The following DNAH9 variants were observed in gnomAD, a reference collection of about 807,000 sequenced individuals.
DNAH9 encodes DNAH9 variant protein.
In DNAH9, 345 loss-of-function variants were observed where a neutral mutation model predicts 471.6. The observed-to-expected ratio is 0.73, with a 90% CI of 0.67 to 0.80. DNAH9 has a LOEUF of 0.80. Among genes scored for constraint, DNAH9 ranks in the 30% least tolerant of loss-of-function variants. The pLI, the probability that DNAH9 is intolerant of heterozygous loss-of-function variation, is 0.00. For missense variants in DNAH9, 5,407 were observed against 5,609.2 expected (o/e 0.96, Z 1.15); for synonymous variants, 2,093 against 2,123.6 (o/e 0.99, Z 0.40).
intron 45 of DNAH9, among the ~76,000 whole-genome samples, chr17:11,814,919 G>A (rs973651749): frequency 6.6e-5 from 10 of 151,850 alleles, no homozygotes; most frequent in Non-Finnish European, 1.3e-4. Flanking sequence ...AGCCATCTAT[G>A]CTGTTAAATA....
chr17:11,874,263 CTGAG>C (rs1972389145), intron 52 of DNAH9, among the ~76,000 whole-genome samples: 1 of 97,558 alleles, frequency 1.0e-5, no homozygotes, highest in African/African-American at 3.8e-5. Flanking sequence ...AAAAAAAGAA[CTGAG>C]TGAGCAGAGA....
intron 50 of DNAH9, among the ~76,000 whole-genome samples, chr17:11,857,716 G>A (rs1971676423): frequency 1.3e-5 from 2 of 152,176 alleles, no homozygotes; most frequent in South Asian, 4.1e-4. Flanking sequence ...ATGAGGCCTG[G>A]TGAGAGGCAT....
intron 26 of DNAH9, among the ~76,000 whole-genome samples, chr17:11,708,099 C>G (rs1480830359): frequency 6.6e-6 from 1 of 150,448 alleles, no homozygotes; most frequent in Non-Finnish European, 1.5e-5. Flanking sequence ...AATGTTTCCC[C>G]CATTCTGAAA....
intron 2 of DNAH9, among the ~76,000 whole-genome samples, chr17:11,609,634 T>C (rs2072587579): frequency 6.6e-6 from 1 of 152,234 alleles, no homozygotes; most frequent in Non-Finnish European, 1.5e-5. Flanking sequence ...TCTTTGTCGT[T>C]GTGTCCTTGA....
chr17:11,801,388 G>A (rs1969452461), intron 43 of DNAH9, among the ~76,000 whole-genome samples: 1 of 152,180 alleles, frequency 6.6e-6, no homozygotes, highest in Non-Finnish European at 1.5e-5. Flanking sequence ...TTCAGGAAAT[G>A]AGGCATTAAA....
At chr17:11,776,404 T>C (rs1275519177) in intron 38 of DNAH9, among the ~76,000 whole-genome samples, 6 of 150,750 alleles carry the variant, frequency 4.0e-5, no homozygotes, top group African/African-American at 1.5e-4. Context: ...TGTCCTGACA[T>C]GATAACTCTC....
intron 1 of DNAH9, among the ~76,000 whole-genome samples, chr17:11,605,174 C>G (rs2072473641): frequency 6.6e-6 from 1 of 152,150 alleles, no homozygotes; most frequent in Non-Finnish European, 1.5e-5. Flanking sequence ...CAAGGATCTG[C>G]AAAGCACTCC....
At chr17:11,904,107 G>A (rs562490962) in intron 60 of DNAH9, among the ~76,000 whole-genome samples, 59 of 152,246 alleles carry the variant, frequency 3.9e-4, no homozygotes, top group African/African-American at 1.2e-3. Context: ...TAATGACAAC[G>A]ATGAGCATGT....
At chr17:11,900,099 T>G (rs1267868737) in intron 59 of DNAH9, among the ~76,000 whole-genome samples, 2 of 57,576 alleles carry the variant, frequency 3.5e-5, no homozygotes, top group Admixed American at 4.5e-4. Flanking sequence ...ATTTTCCAAA[T>G]GAAAAAAAAA....
intron 27 of DNAH9, among the ~76,000 whole-genome samples, chr17:11,726,426 T>C (rs997166992): frequency 5.9e-5 from 9 of 152,190 alleles, no homozygotes; most frequent in Non-Finnish European, 1.3e-4. Flanking sequence ...GGTTGAAGAA[T>C]GTGTTTCCCA....
At chr17:11,735,533 T>C (rs866603834) in intron 28 of DNAH9, among the ~76,000 whole-genome samples, 18 of 152,104 alleles carry the variant, frequency 1.2e-4, no homozygotes, top group African/African-American at 4.1e-4. Flanking sequence ...CCTCCCAGGT[T>C]CAAGCGATTC....
intron 2 of DNAH9, among the ~76,000 whole-genome samples, chr17:11,608,928 C>T (rs553648597): frequency 2.8e-4 from 42 of 152,142 alleles, no homozygotes; most frequent in Non-Finnish European, 4.7e-4. Context: ...TTGAATCCAC[C>T]GTCAGCTTCT....
At position 11,711,039 on chromosome 17, in the gene DNAH9, G is replaced by T. The variant is rs763153841; in HGVS notation, c.5552+5854G>T. ...ATTTCTTGCACAGGCTGGAAAGATG[G>T]TCTCTATGCCTATGCCTTTATAACT... On this transcript the variant is annotated intron_variant, in intron 26 of 68. Coordinates refer to ENST00000262442, the MANE Select transcript of DNAH9 (RefSeq NM_001372.4). Among the ~76,000 whole-genome samples, 76 of 152,178 alleles carry T rather than the reference G, an allele frequency of 5.0e-4. 1 individual carries two copies. Among genetic ancestry groups the T allele is most frequent in the Non-Finnish European group, 5.7e-4 (39 of 68,040 alleles).
chr17:11,698,924 T>C (rs928522084), intron 22 of DNAH9, among the ~76,000 whole-genome samples: 1 of 152,030 alleles, frequency 6.6e-6, no homozygotes, highest in Admixed American at 6.6e-5. Flanking sequence ...ACCCTTCTGA[T>C]GTGTGTTTGT....
At chr17:11,927,373 G>C (rs780207748) in intron 62 of DNAH9, among the ~76,000 whole-genome samples, 14 of 152,020 alleles carry the variant, frequency 9.2e-5, no homozygotes, top group Non-Finnish European at 1.6e-4. Context: ...TTTCTTCTAG[G>C]GTTCTTATAG....
Position 11,619,381 on chromosome 17 carries a change from C to T in DNAH9, c.1117-167C>T, listed in dbSNP as rs575727245. On this transcript the variant is annotated intron_variant, in intron 5 of 68. Transcript: ENST00000262442. ...GCTTCAGTGACTAAGACTATTTGGCCGAAACCCAGGTCGCAGTCCACATGT... is the reference window on the plus strand; with the variant it reads ...GCTTCAGTGACTAAGACTATTTGGCTGAAACCCAGGTCGCAGTCCACATGT... Among the ~76,000 whole-genome samples the T allele has an allele frequency of 3.9e-5, 6 of 152,218 alleles. No homozygotes were observed. In the East Asian group the frequency reaches 7.7e-4, roughly 20 times the overall value.
At position 11,783,711 on chromosome 17, in the gene DNAH9, C is replaced by G; in HGVS notation, c.7784C>G (p.Pro2595Arg). The G allele has an allele frequency of 6.2e-7, 1 of 1,614,102 alleles. No individual in the cohort carries two copies. Among genetic ancestry groups the G allele is most frequent in the South Asian group, 1.1e-5 (1 of 91,088 alleles). ...TNVQYVSCMN[P>R]TAGSFTINPR... ...GTACAGTATGTTTCCTGTATGAACC[C>G]CACGGCAGGCAGCTTCACCATCAAC... Residue 2595 changes from proline (P) to arginine (R), a missense_variant, in exon 40 of 69, where the codon CCC becomes CGC. Physicochemically the swap from Pro to Arg is moderately radical, Grantham distance 103 (BLOSUM62 -2). This residue lies in a region of DNAH9 where 4,636 missense variants were observed against 4,900.3 expected (regional missense o/e 0.95). Coordinates refer to ENST00000262442, the MANE Select transcript of DNAH9 (RefSeq NM_001372.4).
chr17:11,730,544 A>T (rs147874499), intron 28 of DNAH9, among the ~76,000 whole-genome samples: 35 of 152,314 alleles, frequency 2.3e-4, no homozygotes, highest in African/African-American at 7.9e-4. Flanking sequence ...CCAGTGTTCA[A>T]TGCTGTCTCA....
At position 11,727,837 on chromosome 17, in the gene DNAH9, A is replaced by G. The variant is rs1240889644; in HGVS notation, c.5729A>G (p.Lys1910Arg). 1.9e-6 allele frequency: 3 copies of G among 1,613,764 alleles called. No homozygotes were observed. Among genetic ancestry groups the G allele is most frequent in the African/African-American group, 1.3e-5 (1 of 75,014 alleles). The change falls in exon 28 of 69, where the codon AAA (lysine) becomes AGA (arginine). Residue 1910 changes from lysine (K) to arginine (R), a missense_variant. This residue lies in a region of DNAH9 where 4,636 missense variants were observed against 4,900.3 expected (regional missense o/e 0.95). Coordinates refer to ENST00000262442, the MANE Select transcript of DNAH9 (RefSeq NM_001372.4). Reference sequence around the variant, plus strand: ...TTGCAGTCTTGTGGCAACATCTACAAAGGCCTTGCTCAGACTGGTGCCTGG... The same window carrying G: ...TTGCAGTCTTGTGGCAACATCTACAGAGGCCTTGCTCAGACTGGTGCCTGG... Reference protein sequence around the residue: ...MDYKSCGNIYKGLAQTGAWGC... With the variant: ...MDYKSCGNIYRGLAQTGAWGC...
Sources: gnomAD v4.1 joint callset for allele counts (sites outside exome capture counted in the v4.1 genomes callset) on GRCh38, gnomAD v4.1.1 for gene constraint, gnomAD v4.1.1 regional missense constraint, MANE v1.5 for transcripts, NCBI Gene and HGNC (gene_info 2026-07-23, HGNC 2026-07-21) for gene names.